Variants in PHKB observed in about 807,000 individuals in gnomAD.
The protein encoded by PHKB is phosphorylase kinase regulatory subunit beta.
Under a neutral mutation model 152.1 loss-of-function variants are expected in PHKB, and 122 were observed. The ratio of observed to expected loss-of-function variants is 0.80; its 90% CI spans 0.69 to 0.93. PHKB has a LOEUF of 0.93. PHKB is among the 40% of genes least tolerant of loss of function. The pLI, the probability that PHKB is intolerant of heterozygous loss-of-function variation, is 0.00. For synonymous variants in PHKB, 436 were observed against 464.9 expected, an observed-to-expected ratio of 0.94 and a Z score of 0.80; for missense variants, 1,304 against 1,328.4, an observed-to-expected ratio of 0.98 and a Z score of 0.29.
In PHKB at chr16:47,558,274, C is replaced by A. The variant is rs536046478; in HGVS notation, c.710+10726C>A. ...GGAGGGATAGCATTAGGAGATATATCTAATGCTAAATGACGAGTTAATGGG... is the reference window on the plus strand; with the variant it reads ...GGAGGGATAGCATTAGGAGATATATATAATGCTAAATGACGAGTTAATGGG... On this transcript the variant is annotated intron_variant, in intron 7 of 30. Transcript: ENST00000323584. 1.1e-4 allele frequency among the ~76,000 whole-genome samples: 17 copies of A among 151,264 alleles called. No homozygotes were observed. The East Asian group carries it at 3.1e-3, about 28-fold the overall frequency.
chr16:47,565,474 T>A lies in PHKB; in HGVS notation c.711-14821T>A, dbSNP rs1018907568. The A allele has an allele frequency of 1.0e-4, 141 of 1,398,498 alleles. No individual in the cohort carries two copies. The African/African-American group carries it at 1.8e-3, about 18-fold the overall frequency. The allele number at this position is 1,398,498 out of a possible 1,614,324, so 86.6% of individuals were successfully genotyped here. A position where few individuals can be genotyped will look rare whatever the true frequency, so the allele number is the denominator to read the frequency against. On this transcript the variant is annotated intron_variant, in intron 7 of 30. Coordinates refer to ENST00000323584, the MANE Select transcript of PHKB (RefSeq NM_000293.3). ...AGAACTTCACTTCACCCAAGCATTC[T>A]CCTTTGGTGGAGGGGCTGGCATTAC...
At chr16:47,659,899 C>T (rs1341383166) in intron 20 of PHKB, among the ~76,000 whole-genome samples, 1 of 152,186 alleles carries the variant, frequency 6.6e-6, no homozygotes, top group Non-Finnish European at 1.5e-5. Context: ...GAGTCTCACT[C>T]TATTGCCAGG....
In PHKB at chr16:47,534,598, T is replaced by C. The variant is rs542051153; in HGVS notation, c.595-12835T>C. 3.3e-5 allele frequency among the ~76,000 whole-genome samples: 5 copies of C among 152,312 alleles called. No homozygotes were observed. In the East Asian group the frequency reaches 9.6e-4, roughly 29 times the overall value. ...AAGATCCACTGATAAATGCTGAAATTAGTACATAAAATTATGAGGAGAAAC... is the reference window on the plus strand; with the variant it reads ...AAGATCCACTGATAAATGCTGAAATCAGTACATAAAATTATGAGGAGAAAC... On this transcript the variant is annotated intron_variant, in intron 6 of 30. Coordinates refer to ENST00000323584, the MANE Select transcript of PHKB (RefSeq NM_000293.3).
At chr16:47,547,292 C>T (rs1045697213) in intron 6 of PHKB, 141 bp from the exon 7 acceptor site, 3 of 653,662 alleles carry the variant, frequency 4.6e-6, no homozygotes, top group Non-Finnish European at 5.5e-6. Context: ...GCATGTTGGT[C>T]ATGCTGGTCT....
At chr16:47,594,928 C>T (rs935433640) in intron 12 of PHKB, among the ~76,000 whole-genome samples, 8 of 152,138 alleles carry the variant, frequency 5.3e-5, no homozygotes, top group African/African-American at 1.9e-4. Flanking sequence ...TTGTGATATT[C>T]TTTGGGGTTT....
chr16:47,609,947 G>A (rs562342518), intron 13 of PHKB, among the ~76,000 whole-genome samples: 2 of 151,190 alleles, frequency 1.3e-5, no homozygotes, highest in South Asian at 2.1e-4. Context: ...CCTTCCTTCT[G>A]TTGCTTTTGA....
At chr16:47,654,766 C>T (rs997988625) in intron 20 of PHKB, among the ~76,000 whole-genome samples, 5 of 143,224 alleles carry the variant, frequency 3.5e-5, no homozygotes, top group African/African-American at 5.2e-5. Flanking sequence ...AACACTTGGA[C>T]ACAGGATGGG....
At chr16:47,633,197 G>A (rs1972856942) in intron 14 of PHKB, among the ~76,000 whole-genome samples, 1 of 152,016 alleles carries the variant, frequency 6.6e-6, no homozygotes, top group African/African-American at 2.4e-5. Context: ...ATATAAATGT[G>A]TACATTTTAC....
intron 27 of PHKB, 90 bp from the exon 28 acceptor site, chr16:47,693,288 C>T: frequency 2.3e-6 from 3 of 1,316,376 alleles, no homozygotes; most frequent in East Asian, 2.3e-5. Context: ...ATTTCTTACC[C>T]TATCAGAACA....
chr16:47,588,158 G>T (rs1384393303), intron 9 of PHKB, among the ~76,000 whole-genome samples: 2 of 151,312 alleles, frequency 1.3e-5, no homozygotes, highest in Non-Finnish European at 2.9e-5. Context: ...TTTTCCCCTT[G>T]CCTGATCAAC....
intron 6 of PHKB, among the ~76,000 whole-genome samples, chr16:47,539,766 C>A (rs1409934688): frequency 6.6e-6 from 1 of 152,162 alleles, no homozygotes; most frequent in Non-Finnish European, 1.5e-5. Context: ...AATAATACTT[C>A]CATAATTTCT....
intron 26 of PHKB, among the ~76,000 whole-genome samples, chr16:47,684,842 AT>A (rs1973934266): frequency 6.6e-6 from 1 of 152,124 alleles, no homozygotes; most frequent in Middle Eastern, 3.2e-3. Flanking sequence ...GAATACTAAC[AT>A]TCCCTTTTGT....
chr16:47,523,146 G>A (rs548267232), intron 6 of PHKB, among the ~76,000 whole-genome samples: 1 of 152,156 alleles, frequency 6.6e-6, no homozygotes, highest in Non-Finnish European at 1.5e-5. Context: ...ATCAGGGACA[G>A]TGTCTATTAA....
intron 14 of PHKB, among the ~76,000 whole-genome samples, chr16:47,622,030 C>G (rs1972626378): frequency 6.6e-6 from 1 of 151,970 alleles, no homozygotes; most frequent in African/African-American, 2.4e-5. Context: ...TGAAATATTT[C>G]ATCTACAGGA....
chr16:47,580,216 G>T (rs879522120), intron 7 of PHKB, 79 bp from the exon 8 acceptor site: 3 of 1,054,524 alleles, frequency 2.8e-6, no homozygotes, highest in African/African-American at 1.6e-5. Context: ...AAATTTGCTC[G>T]TGAATATTCA....
At chr16:47,498,811 A>G (rs1256902850) in intron 2 of PHKB, among the ~76,000 whole-genome samples, 1 of 152,154 alleles carries the variant, frequency 6.6e-6, no homozygotes, top group Non-Finnish European at 1.5e-5. Context: ...CTAAGTTGGG[A>G]GGATCACTGA....
intron 13 of PHKB, among the ~76,000 whole-genome samples, chr16:47,609,291 A>G (rs561726117): frequency 6.6e-6 from 1 of 151,710 alleles, no homozygotes; most frequent in South Asian, 2.1e-4. Flanking sequence ...ATGTTACTGG[A>G]TTGGGTTTGC....
intron 7 of PHKB, among the ~76,000 whole-genome samples, chr16:47,571,298 G>A (rs998401965): frequency 2.6e-5 from 4 of 152,186 alleles, no homozygotes; most frequent in Non-Finnish European, 5.9e-5. Context: ...ACCAGCTGCA[G>A]CTGAAGCAGG....
intron 1 of PHKB, chr16:47,463,906 T>A: frequency 6.2e-7 from 1 of 1,613,406 alleles, no homozygotes; most frequent in Non-Finnish European, 8.5e-7. Flanking sequence ...TAGCTTAGCC[T>A]GCGACGCTTA....
Sources: gnomAD v4.1 joint callset for allele counts (sites outside exome capture counted in the v4.1 genomes callset) on GRCh38, gnomAD v4.1.1 for gene constraint, MANE v1.5 for transcripts, NCBI Gene and HGNC (gene_info 2026-07-23, HGNC 2026-07-21) for gene names.